RDH13: variants seen among roughly 807,000 people sequenced by gnomAD.
RDH13 encodes the protein retinol dehydrogenase 13 (all-trans and 9-cis).
A neutral mutation model predicts 28.3 loss-of-function variants in RDH13; 35 were observed. The ratio of observed to expected loss-of-function variants is 1.24; its 90% CI spans 0.95 to 1.64. The LOEUF (loss-of-function observed/expected upper bound fraction) is 1.64, where lower values mean the gene tolerates loss of function less well. RDH13 is among the 40% of genes most tolerant of loss of function. RDH13 has a pLI of 0.00. For synonymous variants in RDH13, 229 were observed against 198.5 expected (o/e 1.15, Z -1.29); for missense variants, 514 against 446.3 (o/e 1.15, Z -1.37).
intron 1 of RDH13, chr19:55,068,587 G>C (rs1470548580): frequency 6.6e-6 from 1 of 151,504 alleles, no homozygotes; most frequent in African/African-American, 2.4e-5. Context: ...TGTAATCCCA[G>C]CACTTTGGGA....
intron 6 of RDH13, 39 bp from the exon 7 acceptor site, chr19:55,045,348 C>A: frequency 6.6e-7 from 1 of 1,524,596 alleles, no homozygotes. Flanking sequence ...CACACTCGCT[C>A]AGAGAGAAGG....
At chr19:55,067,886 C>CA (rs2075987516), upstream of RDH13, among the ~76,000 whole-genome samples, 1 of 10,348 alleles carries the variant, frequency 9.7e-5, no homozygotes, top group Non-Finnish European at 2.4e-4. Context: ...ATCTCTCTCT[C>CA]CCTCTTTCTC....
At chr19:55,062,380 TAAG>T (rs1156921905) in intron 1 of RDH13, among the ~76,000 whole-genome samples, 1 of 152,066 alleles carries the variant, frequency 6.6e-6, no homozygotes, top group African/African-American at 2.4e-5. Flanking sequence ...GGCTAATTTT[TAAG>T]AAAGTTTAAA....
chr19:55,055,528 G>A (rs751015244), intron 3 of RDH13, among the ~76,000 whole-genome samples: 10 of 152,086 alleles, frequency 6.6e-5, no homozygotes, highest in Non-Finnish European at 4.4e-5. Flanking sequence ...CCATGGTGGG[G>A]AAGGCACTTG....
rs1197720918 is a variant in RDH13, at chr19:55,068,961, GGGGAA to G, written c.-266+356_-266+360del. 6 of 74,138 alleles carry G rather than the reference GGGGAA, an allele frequency of 8.1e-5. 1 individual carries two copies. The highest frequency in any genetic ancestry group is 1.0e-4 in the African/African-American group (2 of 19,844). The allele number at this position is 74,138 out of a possible 1,614,324, so 4.6% of individuals were successfully genotyped here. On this transcript the variant is annotated intron_variant, in intron 1 of 7. Coordinates refer to the RDH13 transcript ENST00000396247. Reference sequence around the variant, plus strand: ...AAGGAAGGAAGGGGAGGGGAGGGGAGGGGAAGGGAGGGAAGAAAGGCAGGCCCTGA... The same window carrying G: ...AAGGAAGGAAGGGGAGGGGAGGGGAGGGGAGGGAAGAAAGGCAGGCCCTGA...
upstream of RDH13, among the ~76,000 whole-genome samples, chr19:55,064,859 T>TCA (rs2075927876): frequency 6.7e-6 from 1 of 149,270 alleles, no homozygotes; most frequent in Non-Finnish European, 1.5e-5. Flanking sequence ...GTGATCCACC[T>TCA]GCCTCGGCCA....
At chr19:55,052,941 C>T (rs567869410) in intron 3 of RDH13, among the ~76,000 whole-genome samples, 240 of 105,202 alleles carry the variant, frequency 2.3e-3, no homozygotes, top group African/African-American at 7.6e-3. Flanking sequence ...GGATTACAGG[C>T]GTGAGCCTGC....
chr19:55,057,435 CTTTTT>C (rs35843215), intron 2 of RDH13, among the ~76,000 whole-genome samples: 1 of 136,958 alleles, frequency 7.3e-6, no homozygotes, highest in Non-Finnish European at 1.6e-5. Context: ...CCATCCTCTC[CTTTTT>C]TTTTTTTTTT....
At chr19:55,053,103 C>T (rs111814558) in intron 3 of RDH13, among the ~76,000 whole-genome samples, 1,841 of 152,092 alleles carry the variant, frequency 0.012, 15 homozygotes, top group South Asian at 0.033. Context: ...CTGGGAAGAG[C>T]CACAGCTTCC....
At chr19:55,047,192 C>G in intron 6 of RDH13, 195 bp downstream of exon 6, 1 of 1,401,742 alleles carries the variant, frequency 7.1e-7, no homozygotes. Flanking sequence ...GCTCTGCCTG[C>G]TTCCCGGGGC....
At chr19:55,040,877 A>AAC (rs1351353487), downstream of RDH13, 10 of 152,370 alleles carry the variant, frequency 6.6e-5, no homozygotes, top group Admixed American at 4.6e-4. Context: ...CTGTAATCCC[A>AAC]ACACTCTGGG....
chr19:55,059,698 A>C (rs1029578589), intron 1 of RDH13, among the ~76,000 whole-genome samples: 2 of 152,170 alleles, frequency 1.3e-5, no homozygotes, highest in African/African-American at 2.4e-5. Context: ...TGTGTAGGGA[A>C]AAGAGAGATT....
chr19:55,065,313 G>A (rs939590868), upstream of RDH13, among the ~76,000 whole-genome samples: 2 of 151,598 alleles, frequency 1.3e-5, no homozygotes, highest in African/African-American at 4.8e-5. Flanking sequence ...GAGCCCAGGA[G>A]GTCAAGGCTA....
rs2075865578 is a variant in RDH13, at chr19:55,063,145, G to A, written c.-113C>T. ...GCGACGCAGCCACAGGCGAGCGGAG[G>A]CGCAGGCGCGGCTGGGCCCGCGTCC... On this transcript the variant is annotated 5_prime_UTR_variant, in exon 1 of 7. Coordinates refer to ENST00000415061, the MANE Select transcript of RDH13 (RefSeq NM_001145971.2). The A allele has an allele frequency of 7.9e-6, 8 of 1,009,768 alleles. No homozygotes were observed. The highest frequency in any genetic ancestry group is 3.3e-4 in the Middle Eastern group (1 of 2,996). The allele number at this position is 1,009,768 out of a possible 1,614,324, so 62.6% of individuals were successfully genotyped here.
intron 5 of RDH13, 187 bp downstream of exon 5, chr19:55,048,135 ACAATCCT>A: frequency 6.5e-7 from 1 of 1,532,876 alleles, no homozygotes; most frequent in East Asian, 2.4e-5. Context: ...GGATGAACAG[ACAATCCT>A]CAGAAGAACG....
intron 1 of RDH13, among the ~76,000 whole-genome samples, chr19:55,060,669 G>C (rs2075782349): frequency 6.6e-6 from 1 of 152,080 alleles, no homozygotes; most frequent in Non-Finnish European, 1.5e-5. Flanking sequence ...CACAGGTGTG[G>C]AGGGGCAGGC....
chr19:55,044,828 G>A lies in RDH13; in HGVS notation c.*246C>T, dbSNP rs1169521129. Reference sequence around the variant, plus strand: ...GGCCATTCCCAGTTTAGATTCCCAGGGGAAGCATCAGATGGCCCCTCTCCC... The same window carrying A: ...GGCCATTCCCAGTTTAGATTCCCAGAGGAAGCATCAGATGGCCCCTCTCCC... On this transcript the variant is annotated 3_prime_UTR_variant, in exon 7 of 7. Transcript: ENST00000415061. 1.5e-5 allele frequency: 7 copies of A among 466,202 alleles called. No homozygotes were observed. Among genetic ancestry groups the A allele is most frequent in the African/African-American group, 8.0e-5 (4 of 50,020 alleles). The allele number at this position is 466,202 out of a possible 1,614,324, so 28.9% of individuals were successfully genotyped here.
intron 2 of RDH13, among the ~76,000 whole-genome samples, chr19:55,057,180 G>A (rs1455988736): frequency 6.6e-6 from 1 of 152,118 alleles, no homozygotes; most frequent in African/African-American, 2.4e-5. Flanking sequence ...GAAACGCCCA[G>A]AATAGGCAAA....
chr19:55,068,058 TC>T (rs1290004427), upstream of RDH13, among the ~76,000 whole-genome samples: 2 of 141,314 alleles, frequency 1.4e-5, no homozygotes, highest in African/African-American at 5.2e-5. Flanking sequence ...TCTCTCTTTC[TC>T]CCCCATCTCT....
Sources: gnomAD v4.1 joint callset for allele counts (sites outside exome capture counted in the v4.1 genomes callset) on GRCh38, gnomAD v4.1.1 for gene constraint, MANE v1.5 for transcripts, NCBI Gene and HGNC (gene_info 2026-07-23, HGNC 2026-07-21) for gene names.